The following OXSR1 variants were observed in gnomAD, a reference collection of about 807,000 sequenced individuals.
OXSR1 encodes oxidative stress responsive kinase 1.
In OXSR1, 24 loss-of-function variants were observed where a neutral mutation model predicts 79.8. The observed-to-expected ratio is 0.30, with a 90% CI of 0.22 to 0.42. The LOEUF is 0.42. Among genes scored for constraint, OXSR1 ranks in the 10% least tolerant of loss-of-function variants. The probability of loss-of-function intolerance (pLI) is 1.00; values close to 1 mark genes in which losing one functional copy is unlikely to be tolerated. For missense variants in OXSR1, 430 were observed against 618.4 expected, an observed-to-expected ratio of 0.70 and a Z score of 3.23; for synonymous variants, 226 against 209.2, an observed-to-expected ratio of 1.08 and a Z score of -0.69.
upstream of OXSR1, chr3:38,165,279 G>A (rs1701415178): frequency 6.6e-6 from 1 of 152,496 alleles, no homozygotes; most frequent in Non-Finnish European, 1.5e-5. Flanking sequence ...GCTGCCCTTT[G>A]GTCGCCATGC....
At chr3:38,169,983 C>T (rs1455684031) in intron 1 of OXSR1, among the ~76,000 whole-genome samples, 1 of 151,200 alleles carries the variant, frequency 6.6e-6, no homozygotes, top group East Asian at 2.0e-4. Context: ...CTGCCTGCCT[C>T]AGCCTTCCAG....
chr3:38,167,735 T>C (rs1426564139), intron 1 of OXSR1, among the ~76,000 whole-genome samples: 1 of 152,232 alleles, frequency 6.6e-6, no homozygotes, highest in Non-Finnish European at 1.5e-5. Context: ...TGACATGTAT[T>C]CGTTGGTTCT....
intron 4 of OXSR1, among the ~76,000 whole-genome samples, chr3:38,205,482 T>TCAGGGTTGGC (rs1381974617): frequency 1.3e-5 from 2 of 152,222 alleles, no homozygotes. Context: ...GTGCACATCC[T>TCAGGGTTGGC]CAGGGTTGGC....
In OXSR1 at chr3:38,190,638, C is replaced by T. The variant is rs2125814060; in HGVS notation, c.184-93C>T. The T allele has an allele frequency of 7.0e-6, 5 of 714,238 alleles. No individual in the cohort carries two copies. The South Asian group carries it at 8.3e-5, about 12-fold the overall frequency. 44.2% of individuals were successfully genotyped at this position (714,238 alleles called of 1,614,324 possible). A position where few individuals can be genotyped will look rare whatever the true frequency, so the allele number is the denominator to read the frequency against. On this transcript the variant is annotated intron_variant, in intron 2 of 17. Transcript: ENST00000311806. ...ATGGAGATCCCAGAAAGGTGTGACA[C>T]AGTCTTGAGATTTCAAAATCTGGAT...
chr3:38,218,628 G>T (rs963486933), intron 5 of OXSR1, among the ~76,000 whole-genome samples: 3 of 152,108 alleles, frequency 2.0e-5, no homozygotes, highest in Non-Finnish European at 4.4e-5. Context: ...TCTGTGGGTT[G>T]CCTTTCACTG....
At chr3:38,177,220 TC>T (rs1701691143) in intron 1 of OXSR1, among the ~76,000 whole-genome samples, 1 of 152,192 alleles carries the variant, frequency 6.6e-6, no homozygotes, top group Admixed American at 6.5e-5. Context: ...CTTCTCCTAT[TC>T]CGTGGTGTTT....
At chr3:38,188,140 C>A (rs1324852576) in intron 2 of OXSR1, among the ~76,000 whole-genome samples, 1 of 152,000 alleles carries the variant, frequency 6.6e-6, no homozygotes, top group African/African-American at 2.4e-5. Flanking sequence ...TGCTAGAAAA[C>A]CCTTTGTAGT....
intron 1 of OXSR1, among the ~76,000 whole-genome samples, chr3:38,171,739 T>A (rs1701586227): frequency 6.6e-6 from 1 of 152,218 alleles, no homozygotes; most frequent in South Asian, 2.1e-4. Context: ...TAAGTATGAT[T>A]ATGTGTAAAA....
chr3:38,200,386 A>G (rs908106866), intron 4 of OXSR1, among the ~76,000 whole-genome samples: 1 of 152,110 alleles, frequency 6.6e-6, no homozygotes, highest in South Asian at 2.1e-4. Flanking sequence ...AACCTTTCCT[A>G]TGATGTTGAA....
intron 8 of OXSR1, among the ~76,000 whole-genome samples, chr3:38,229,072 T>C (rs1702752708): frequency 6.6e-6 from 1 of 152,166 alleles, no homozygotes; most frequent in African/African-American, 2.4e-5. Context: ...GCTTGTAAAA[T>C]TGACAGTCGT....
chr3:38,178,481 C>T (rs1043739967), intron 1 of OXSR1, among the ~76,000 whole-genome samples: 4 of 151,376 alleles, frequency 2.6e-5, no homozygotes, highest in Non-Finnish European at 4.4e-5. Context: ...GCTCTGTCAC[C>T]CAGGCGGAGT....
intron 5 of OXSR1, among the ~76,000 whole-genome samples, chr3:38,217,406 C>T (rs776212083): frequency 1.1e-4 from 17 of 152,260 alleles, no homozygotes; most frequent in Non-Finnish European, 1.8e-4. Flanking sequence ...CAGAGAAACT[C>T]GTCCGTATCT....
At chr3:38,202,385 CT>C (rs751983209) in intron 4 of OXSR1, among the ~76,000 whole-genome samples, 1 of 151,496 alleles carries the variant, frequency 6.6e-6, no homozygotes. Flanking sequence ...AGGGAAATGA[CT>C]TTTTTTTTCT....
chr3:38,252,224 T>C (rs1461627599), intron 16 of OXSR1, 104 bp from the exon 17 acceptor site: 16 of 797,238 alleles, frequency 2.0e-5, no homozygotes, highest in Non-Finnish European at 3.6e-5. Flanking sequence ...CCATTTTGAT[T>C]GTACGGAGCA....
intron 10 of OXSR1, among the ~76,000 whole-genome samples, chr3:38,232,876 G>A (rs1702839422): frequency 6.6e-6 from 1 of 152,184 alleles, no homozygotes; most frequent in Non-Finnish European, 1.5e-5. Flanking sequence ...TAAATTAGTG[G>A]TAAAGGACTT....
chr3:38,205,593 C>G (rs1400774387), intron 4 of OXSR1, among the ~76,000 whole-genome samples: 8 of 152,178 alleles, frequency 5.3e-5, no homozygotes, highest in Admixed American at 5.2e-4. Context: ...GCTAGTAGAG[C>G]CACTGATGAC....
chr3:38,183,489 A>T (rs1010742721), intron 2 of OXSR1, among the ~76,000 whole-genome samples: 1 of 152,158 alleles, frequency 6.6e-6, no homozygotes, highest in Non-Finnish European at 1.5e-5. Flanking sequence ...TGAATAGACC[A>T]CACTTTATTA....
intron 4 of OXSR1, among the ~76,000 whole-genome samples, chr3:38,210,490 G>A (rs1246261907): frequency 6.6e-6 from 1 of 152,000 alleles, no homozygotes; most frequent in Non-Finnish European, 1.5e-5. Context: ...ATTTTCTCCT[G>A]TCTATACCCC....
intron 4 of OXSR1, among the ~76,000 whole-genome samples, chr3:38,209,841 C>T (rs977089585): frequency 2.6e-5 from 4 of 152,020 alleles, no homozygotes; most frequent in African/African-American, 9.7e-5. Flanking sequence ...CCAGGATGGT[C>T]TCAATCTCCT....
Sources: gnomAD v4.1 joint callset for allele counts (sites outside exome capture counted in the v4.1 genomes callset) on GRCh38, gnomAD v4.1.1 for gene constraint, MANE v1.5 for transcripts, NCBI Gene and HGNC (gene_info 2026-07-23, HGNC 2026-07-21) for gene names.